Variants in NRXN1 observed in about 807,000 individuals in gnomAD.
NRXN1 encodes neurexin 1, also known as neurexin-1.
NRXN1 carries 39 observed loss-of-function variants against 150.9 expected under a neutral mutation model. That is an observed-to-expected ratio of 0.26 (90% confidence interval 0.20 to 0.34). The LOEUF (loss-of-function observed/expected upper bound fraction) is 0.34, where lower values mean the gene tolerates loss of function less well. Among genes scored for constraint, NRXN1 ranks in the 10% least tolerant of loss-of-function variants. NRXN1 has a pLI of 1.00. For synonymous variants in NRXN1, 924 were observed against 757.0 expected (o/e 1.22, Z -3.62); for missense variants, 1,815 against 1,949.9 (o/e 0.93, Z 1.30).
intron 22 of NRXN1, among the ~76,000 whole-genome samples, chr2:49,932,035 G>C (rs1670214484): frequency 6.6e-6 from 1 of 152,122 alleles, no homozygotes. Context: ...CAACATTATA[G>C]CTAGAGTAAT....
chr2:50,484,928 G>A (rs1241000766), intron 15 of NRXN1, among the ~76,000 whole-genome samples: 2 of 152,174 alleles, frequency 1.3e-5, no homozygotes, highest in African/African-American at 2.4e-5. Context: ...TAAAATAAAT[G>A]TTAGCTTTTC....
chr2:49,985,162 G>A (rs535758329), intron 21 of NRXN1, among the ~76,000 whole-genome samples: 1 of 152,054 alleles, frequency 6.6e-6, no homozygotes, highest in African/African-American at 2.4e-5. Context: ...ATTTCCATAA[G>A]GTATCAATAA....
chr2:50,799,916 G>A (rs180832473), intron 5 of NRXN1, among the ~76,000 whole-genome samples: 8 of 151,992 alleles, frequency 5.3e-5, no homozygotes, highest in East Asian at 1.9e-4. Flanking sequence ...ACACACACAC[G>A]AGAGAGACAG....
intron 5 of NRXN1, among the ~76,000 whole-genome samples, chr2:50,890,534 T>G (rs967824721): frequency 2.7e-4 from 41 of 151,834 alleles, no homozygotes; most frequent in African/African-American, 9.7e-4. Flanking sequence ...AGACCATAAT[T>G]GTCCTTAGCT....
At chr2:50,668,455 A>G (rs1486767217) in intron 5 of NRXN1, among the ~76,000 whole-genome samples, 1 of 152,054 alleles carries the variant, frequency 6.6e-6, no homozygotes, top group Non-Finnish European at 1.5e-5. Context: ...GAAAGGAATA[A>G]TTGCATATCA....
intron 9 of NRXN1, among the ~76,000 whole-genome samples, chr2:50,546,546 A>T (rs2093498185): frequency 6.6e-6 from 1 of 152,154 alleles, no homozygotes; most frequent in African/African-American, 2.4e-5. Context: ...AATTATGTTT[A>T]TACTCTAACT....
At chr2:50,801,355 T>C (rs1250206826) in intron 5 of NRXN1, among the ~76,000 whole-genome samples, 2 of 152,178 alleles carry the variant, frequency 1.3e-5, no homozygotes, top group Non-Finnish European at 2.9e-5. Flanking sequence ...CTGATGATTA[T>C]GTCAATCTGC....
intron 19 of NRXN1, among the ~76,000 whole-genome samples, chr2:50,079,528 T>C (rs973988430): frequency 2.0e-5 from 3 of 152,096 alleles, no homozygotes; most frequent in African/African-American, 7.2e-5. Context: ...ATTATGAACT[T>C]TGAATAGTGC....
At chr2:49,978,472 G>A (rs1041045246) in intron 21 of NRXN1, among the ~76,000 whole-genome samples, 4 of 151,980 alleles carry the variant, frequency 2.6e-5, no homozygotes, top group Admixed American at 2.6e-4. Context: ...CTAACTTCAG[G>A]TGCTTTTCCT....
chr2:50,428,734 T>C (rs902672002), intron 17 of NRXN1, among the ~76,000 whole-genome samples: 14 of 152,162 alleles, frequency 9.2e-5, no homozygotes, highest in African/African-American at 1.7e-4. Flanking sequence ...CAGATAACGA[T>C]AGACCTTGCT....
intron 5 of NRXN1, among the ~76,000 whole-genome samples, chr2:50,807,744 T>C (rs1169857474): frequency 6.6e-6 from 1 of 152,178 alleles, no homozygotes; most frequent in East Asian, 1.9e-4. Flanking sequence ...AGCTATACTT[T>C]AAATTAAGAA....
In NRXN1 at chr2:51,007,329, G is replaced by C. The variant is rs893685784; in HGVS notation, c.772+20173C>G. ...GATACAATACTTATTTGGAAGTCCT[G>C]AAATCTAAGAGGGTTAAAAATATGT... On this transcript the variant is annotated intron_variant, in intron 2 of 22. Coordinates refer to ENST00000401669, the MANE Select transcript of NRXN1 (RefSeq NM_001330078.2). 2.0e-5 allele frequency among the ~76,000 whole-genome samples: 3 copies of C among 151,826 alleles called. No homozygotes were observed. The East Asian group carries it at 5.8e-4, about 30-fold the overall frequency.
intron 18 of NRXN1, among the ~76,000 whole-genome samples, chr2:50,134,883 G>A (rs1706153584): frequency 6.6e-6 from 1 of 152,068 alleles, no homozygotes; most frequent in Non-Finnish European, 1.5e-5. Context: ...TACCTGGCAG[G>A]TAATTGCTTA....
intron 17 of NRXN1, among the ~76,000 whole-genome samples, chr2:50,439,673 C>T (rs577416515): frequency 4.0e-5 from 6 of 151,870 alleles, no homozygotes; most frequent in South Asian, 2.1e-4. Flanking sequence ...AAAAATTAGT[C>T]GGGCGTGGTG....
intron 12 of NRXN1, among the ~76,000 whole-genome samples, chr2:50,526,472 A>G (rs2092954916): frequency 6.6e-6 from 1 of 152,150 alleles, no homozygotes; most frequent in Non-Finnish European, 1.5e-5. Flanking sequence ...CTTTCATTAA[A>G]CTGCAAGTTA....
rs1038492091 is a variant in NRXN1 at position 50,404,050 on chromosome 2, A to G, written c.3364+61392T>C. Among the ~76,000 whole-genome samples, 6 of 152,124 alleles carry G rather than the reference A, an allele frequency of 3.9e-5. No homozygotes were observed. The South Asian group carries it at 1.2e-3, about 32-fold the overall frequency. On this transcript the variant is annotated intron_variant, in intron 17 of 22. Transcript: ENST00000401669. ...GAAAATGAGTGGATGGGTATTAGAAAGAAAATTCATTCTTTTTCACTTACT... is the reference window on the plus strand; with the variant it reads ...GAAAATGAGTGGATGGGTATTAGAAGGAAAATTCATTCTTTTTCACTTACT...
Position 50,395,105 on chromosome 2 carries a change from A to G in NRXN1, c.3364+70337T>C, listed in dbSNP as rs529735877. 3.0e-3 allele frequency among the ~76,000 whole-genome samples: 449 copies of G among 152,034 alleles called. 3 individuals are homozygous for G. Among genetic ancestry groups the G allele is most frequent in the Middle Eastern group, 0.01 (3 of 294 alleles). On this transcript the variant is annotated intron_variant, in intron 17 of 22. Coordinates refer to ENST00000401669, the MANE Select transcript of NRXN1 (RefSeq NM_001330078.2). ...TTCATAGGTATTATATTATACTCAC[A>G]TCATATTATTTCTTTTTTCTTTGTT...
intron 5 of NRXN1, chr2:50,918,407 C>T (rs913687115): frequency 3.2e-6 from 1 of 310,750 alleles, no homozygotes; most frequent in African/African-American, 2.1e-5. Context: ...AGAGCTTACA[C>T]TCTACTAGGA....
intron 5 of NRXN1, among the ~76,000 whole-genome samples, chr2:50,691,770 A>G (rs781331792): frequency 1.3e-4 from 20 of 151,830 alleles, no homozygotes; most frequent in Non-Finnish European, 2.9e-5. Flanking sequence ...GGCCATAACA[A>G]CCCCGAGGGC....
Sources: allele counts gnomAD v4.1 joint callset (sites outside exome capture counted in the v4.1 genomes callset), GRCh38; gene constraint gnomAD v4.1.1; transcripts MANE v1.5; gene names NCBI Gene and HGNC (gene_info 2026-07-23, HGNC 2026-07-21).